The following KAZN variants were observed in gnomAD, a reference collection of about 807,000 sequenced individuals.
KAZN encodes the protein kazrin, periplakin interacting protein.
KAZN carries 40 observed loss-of-function variants against 87.4 expected under a neutral mutation model. The ratio of observed to expected loss-of-function variants is 0.46; its 90% confidence interval spans 0.36 to 0.60. The LOEUF is 0.60. Ranked by LOEUF, KAZN falls within the 20% of genes least tolerant of loss-of-function variation. The pLI is 0.00. For missense variants in KAZN, 898 were observed against 1,073.9 expected (o/e 0.84, Z 2.29); for synonymous variants, 466 against 458.3 (o/e 1.02, Z -0.22).
At chr1:15,014,114 G>C (rs1669850658) in intron 2 of KAZN, among the ~76,000 whole-genome samples, 2 of 152,098 alleles carry the variant, frequency 1.3e-5, no homozygotes, top group Non-Finnish European at 2.9e-5. Flanking sequence ...CAAGAAAAGG[G>C]CTGAAATTCT....
chr1:14,002,738 G>A (rs1410307807), intron 1 of KAZN, among the ~76,000 whole-genome samples: 2 of 152,170 alleles, frequency 1.3e-5, no homozygotes, highest in African/African-American at 2.4e-5. Context: ...AAATAGGAAC[G>A]CTTTTACGCT....
chr1:15,048,604 C>G (rs1203796146), intron 4 of KAZN, among the ~76,000 whole-genome samples: 4 of 135,376 alleles, frequency 3.0e-5, no homozygotes, highest in African/African-American at 1.5e-4. Context: ...GTCGTCGGTC[C>G]TGGGTCGCTG....
chr1:14,138,107 G>GTA (rs1553133790), intron 1 of KAZN, among the ~76,000 whole-genome samples: 1 of 151,792 alleles, frequency 6.6e-6, no homozygotes. Flanking sequence ...GTGTGTGTGT[G>GTA]TATACATATC....
chr1:15,071,911 A>G (rs1639523473), intron 8 of KAZN, among the ~76,000 whole-genome samples: 1 of 152,218 alleles, frequency 6.6e-6, no homozygotes. Flanking sequence ...GGTTACCAGT[A>G]AGTAGCTGTT....
intron 1 of KAZN, among the ~76,000 whole-genome samples, chr1:14,128,567 T>G (rs1481784627): frequency 6.6e-6 from 1 of 152,162 alleles, no homozygotes; most frequent in East Asian, 1.9e-4. Flanking sequence ...GGTCTCTTTG[T>G]GTGCCCAAAT....
At chr1:14,783,036 C>T (rs527850185) in intron 1 of KAZN, among the ~76,000 whole-genome samples, 1 of 152,140 alleles carries the variant, frequency 6.6e-6, no homozygotes, top group Admixed American at 6.6e-5. Flanking sequence ...AGGAGAGATG[C>T]CCACTGGAGG....
At chr1:13,910,247 G>A (rs1017130890) in intron 1 of KAZN, among the ~76,000 whole-genome samples, 1 of 152,162 alleles carries the variant, frequency 6.6e-6, no homozygotes, top group Admixed American at 6.5e-5. Flanking sequence ...GGTGGCTGAC[G>A]CCTGTAATCC....
intron 1 of KAZN, among the ~76,000 whole-genome samples, chr1:14,639,085 T>C (rs2294887): frequency 0.24 from 36,542 of 152,092 alleles, 4,599 homozygotes; most frequent in South Asian, 0.31. Context: ...ATCTTTCATG[T>C]CTTTTCTTCC....
chr1:14,075,925 A>G (rs1379693073), intron 1 of KAZN, among the ~76,000 whole-genome samples: 1 of 152,182 alleles, frequency 6.6e-6, no homozygotes, highest in East Asian at 1.9e-4. Flanking sequence ...GACCTTATTT[A>G]AAAAGAGGGC....
At position 15,099,644 on chromosome 1, in the gene KAZN, T is replaced by C. The variant is rs1640961080; in HGVS notation, c.1548-1899T>C. 2.6e-5 allele frequency among the ~76,000 whole-genome samples: 4 copies of C among 152,074 alleles called. No individual in the cohort carries two copies. The South Asian group carries it at 6.2e-4, about 24-fold the overall frequency. The stretch of plus-strand genomic sequence containing the variant: ...GGAAGTCAGCCAGGGCCAGTGCAGG[T>C]GACCCTTGTGGACCATTCAAAGGAC... On this transcript the variant is annotated intron_variant, in intron 10 of 14. Coordinates refer to ENST00000376030, the MANE Select transcript of KAZN (RefSeq NM_201628.3). This position sits in a 1 kb window ranked among gnomAD's most constrained non-coding sequence, Gnocchi z 5.4.
At chr1:13,929,033 G>A (rs182864450) in intron 1 of KAZN, among the ~76,000 whole-genome samples, 2 of 137,628 alleles carry the variant, frequency 1.5e-5, no homozygotes, top group South Asian at 4.9e-4. Context: ...CCAAGGTCTA[G>A]TTCAGCTTCA....
chr1:14,514,611 A>ATTTTC (rs1557770522), intron 2 of KAZN, among the ~76,000 whole-genome samples: 12 of 39,036 alleles, frequency 3.1e-4, no homozygotes, highest in African/African-American at 1.2e-3. Flanking sequence ...ATATATATAT[A>ATTTTC]TATATATATA....
chr1:15,076,813 G>A (rs1440476940), intron 8 of KAZN, among the ~76,000 whole-genome samples: 2 of 152,194 alleles, frequency 1.3e-5, no homozygotes, highest in Non-Finnish European at 1.5e-5. Context: ...CTGGAATTAC[G>A]GTCACCACCT....
intron 1 of KAZN, among the ~76,000 whole-genome samples, chr1:14,946,359 A>G (rs1235294395): frequency 7.6e-6 from 1 of 132,220 alleles, no homozygotes; most frequent in African/African-American, 2.9e-5. Context: ...TTTTTTTGAG[A>G]TGGAGTCTCG....
chr1:14,736,642 T>A (rs1280912716), intron 1 of KAZN, among the ~76,000 whole-genome samples: 1 of 151,998 alleles, frequency 6.6e-6, no homozygotes, highest in Non-Finnish European at 1.5e-5. Context: ...GGTCCCCAGA[T>A]GGTTTTGCTG....
chr1:14,302,509 G>T (rs1029540912), intron 2 of KAZN, among the ~76,000 whole-genome samples: 5 of 152,298 alleles, frequency 3.3e-5, no homozygotes, highest in African/African-American at 2.4e-5. Flanking sequence ...CTGCCCAGAG[G>T]TTGAGTGGAT....
At chr1:14,482,825 C>A (rs1395671413) in intron 2 of KAZN, among the ~76,000 whole-genome samples, 1 of 152,152 alleles carries the variant, frequency 6.6e-6, no homozygotes, top group Non-Finnish European at 1.5e-5. Context: ...TGATCCAAGT[C>A]AACGGGAGCT....
At chr1:14,003,189 A>T (rs1207675343) in intron 1 of KAZN, among the ~76,000 whole-genome samples, 1 of 151,704 alleles carries the variant, frequency 6.6e-6, no homozygotes, top group African/African-American at 2.4e-5. Context: ...AACATCACAC[A>T]CCAGGGCCTG....
intron 1 of KAZN, among the ~76,000 whole-genome samples, chr1:14,060,132 G>C (rs1047362485): frequency 1.3e-5 from 2 of 152,100 alleles, no homozygotes; most frequent in Admixed American, 1.3e-4. Context: ...GGGAGGCCGA[G>C]GCGGGCGGAT....
Sources: gnomAD v4.1 joint callset for allele counts (sites outside exome capture counted in the v4.1 genomes callset) on GRCh38, gnomAD v4.1.1 for gene constraint, Gnocchi (gnomAD v3.1) non-coding constraint, MANE v1.5 for transcripts, NCBI Gene and HGNC (gene_info 2026-07-23, HGNC 2026-07-21) for gene names.